EPM2A: variants seen among roughly 807,000 people sequenced by gnomAD.
EPM2A encodes EPM2A glucan phosphatase, laforin.
In EPM2A, 21 loss-of-function variants were observed where a neutral mutation model predicts 26.5. That is an observed-to-expected ratio of 0.79 (90% CI 0.56 to 1.14). EPM2A has a LOEUF of 1.14. Among genes scored for constraint, EPM2A ranks in the 50% most tolerant of loss-of-function variants. The pLI, the probability that EPM2A is intolerant of heterozygous loss-of-function variation, is 0.00. For synonymous variants in EPM2A, 217 were observed against 177.6 expected (o/e 1.22, Z -1.76); for missense variants, 458 against 440.8 (o/e 1.04, Z -0.35).
At chr6:145,569,164 G>A (rs550124912) in intron 2 of EPM2A, among the ~76,000 whole-genome samples, 1 of 152,316 alleles carries the variant, frequency 6.6e-6, no homozygotes, top group Non-Finnish European at 1.5e-5. Flanking sequence ...ATTGTGAGTA[G>A]TCAACATCCA....
At chr6:145,679,894 T>C (rs1215010478) in intron 2 of EPM2A, among the ~76,000 whole-genome samples, 1 of 152,088 alleles carries the variant, frequency 6.6e-6, no homozygotes, top group Non-Finnish European at 1.5e-5. Context: ...CATACGAATA[T>C]ACACGTGGAA....
At chr6:145,552,343 G>A (rs538671065) in intron 2 of EPM2A, among the ~76,000 whole-genome samples, 1 of 152,046 alleles carries the variant, frequency 6.6e-6, no homozygotes, top group South Asian at 2.1e-4. Context: ...ACTTTTAAAA[G>A]CTTCCAAGAA....
At chr6:145,494,226 C>T (rs1307197953) in intron 4 of EPM2A, among the ~76,000 whole-genome samples, 1 of 152,226 alleles carries the variant, frequency 6.6e-6, no homozygotes, top group Middle Eastern at 3.4e-3. Flanking sequence ...GTGTATGTGT[C>T]CAGGAATTTA....
chr6:145,579,967 T>C (rs1781090468), intron 2 of EPM2A, among the ~76,000 whole-genome samples: 1 of 152,184 alleles, frequency 6.6e-6, no homozygotes, highest in African/African-American at 2.4e-5. Flanking sequence ...TATAATAGCA[T>C]ACTTTCATTT....
chr6:145,462,317 G>T (rs1582773761), intron 4 of EPM2A, among the ~76,000 whole-genome samples: 1 of 152,072 alleles, frequency 6.6e-6, no homozygotes, highest in South Asian at 2.1e-4. Context: ...CAGGGGAGTG[G>T]GGTGGGTAGG....
At chr6:145,622,601 T>A (rs9376954), downstream of EPM2A, among the ~76,000 whole-genome samples, 70,940 of 151,996 alleles carry the variant, frequency 0.47, 17,202 homozygotes, top group African/African-American at 0.58. Context: ...ACTCCCATAC[T>A]GGGAGAATAC....
At chr6:145,393,819 A>AT (rs767790639) in intron 4 of EPM2A, among the ~76,000 whole-genome samples, 3 of 148,394 alleles carry the variant, frequency 2.0e-5, no homozygotes, top group African/African-American at 5.0e-5. Flanking sequence ...ACCTATGACT[A>AT]TTTTTTTTTC....
At chr6:145,386,174 C>G (rs545888959) in intron 4 of EPM2A, among the ~76,000 whole-genome samples, 138 of 151,722 alleles carry the variant, frequency 9.1e-4, no homozygotes, top group African/African-American at 3.1e-3. Context: ...GCATAAAATC[C>G]AAGGTAGTTG....
chr6:145,403,005 T>C (rs1292852686), intron 4 of EPM2A, among the ~76,000 whole-genome samples: 3 of 152,194 alleles, frequency 2.0e-5, no homozygotes, highest in Non-Finnish European at 4.4e-5. Flanking sequence ...CAAACTTCTG[T>C]AACTTTCCTC....
In EPM2A at chr6:145,438,021, T is replaced by C. The variant is rs1239944908; in HGVS notation, c.556-53924A>G. On this transcript the variant is annotated intron_variant, in intron 4 of 4. Transcript: ENST00000638717. Reference sequence around the variant, plus strand: ...TCATGTTTGTGGCAGGTTTGCTTCATGAGGCAATCCATGGTATCCTGAGAG... The same window carrying C: ...TCATGTTTGTGGCAGGTTTGCTTCACGAGGCAATCCATGGTATCCTGAGAG... 2.0e-5 allele frequency among the ~76,000 whole-genome samples: 3 copies of C among 152,238 alleles called. 1 individual carries two copies. Among genetic ancestry groups the C allele is most frequent in the Admixed American group, 1.3e-4 (2 of 15,284 alleles).
intron 2 of EPM2A, chr6:145,636,934 A>T (rs1776732835): frequency 6.7e-6 from 1 of 148,946 alleles, no homozygotes. Context: ...AAAAAAAAAA[A>T]AAAATTAAAA....
intron 2 of EPM2A, among the ~76,000 whole-genome samples, chr6:145,506,145 A>G (rs419850): frequency 0.45 from 68,135 of 151,748 alleles, 15,277 homozygotes; most frequent in South Asian, 0.58. Context: ...ACTTCACACT[A>G]CAGTTTCCTT....
intron 4 of EPM2A, among the ~76,000 whole-genome samples, chr6:145,414,549 A>T (rs1562325797): frequency 6.6e-6 from 1 of 152,022 alleles, no homozygotes; most frequent in Non-Finnish European, 1.5e-5. Context: ...CTCATAGAGG[A>T]TCTATTATAC....
At chr6:145,564,822 A>G (rs1038137102) in intron 2 of EPM2A, among the ~76,000 whole-genome samples, 1 of 151,944 alleles carries the variant, frequency 6.6e-6, no homozygotes, top group African/African-American at 2.4e-5. Flanking sequence ...TGTAGTAGAC[A>G]CTGACATAAA....
intron 1 of EPM2A, among the ~76,000 whole-genome samples, chr6:145,725,775 GAATAGAC>G (rs1776173421): frequency 6.6e-6 from 1 of 152,014 alleles, no homozygotes; most frequent in African/African-American, 2.4e-5. Context: ...GGGAAGGGTT[GAATAGAC>G]AAAAGACAGA....
intron 4 of EPM2A, among the ~76,000 whole-genome samples, chr6:145,413,914 C>T (rs1003432397): frequency 3.3e-5 from 5 of 152,134 alleles, no homozygotes; most frequent in Admixed American, 2.0e-4. Context: ...CCAATTTTCC[C>T]CTCCTTGTAC....
At chr6:145,552,744 T>C (rs1476340429) in intron 2 of EPM2A, among the ~76,000 whole-genome samples, 1 of 152,072 alleles carries the variant, frequency 6.6e-6, no homozygotes, top group Non-Finnish European at 1.5e-5. Context: ...GCTAAAATAC[T>C]TCCTACTAAT....
chr6:145,682,788 C>T (rs1780639159), intron 2 of EPM2A: 1 of 152,024 alleles, frequency 6.6e-6, no homozygotes, highest in Non-Finnish European at 1.5e-5. Context: ...TTGGCAATTC[C>T]ATTCTGATAT....
chr6:145,551,010 C>A (rs923542954), intron 2 of EPM2A, among the ~76,000 whole-genome samples: 3 of 151,910 alleles, frequency 2.0e-5, no homozygotes, highest in African/African-American at 7.3e-5. Flanking sequence ...AACTGTACAG[C>A]GAATAAGGTC....
Sources: allele counts gnomAD v4.1 joint callset (sites outside exome capture counted in the v4.1 genomes callset), GRCh38; gene constraint gnomAD v4.1.1; transcripts MANE v1.5; gene names NCBI Gene and HGNC (gene_info 2026-07-23, HGNC 2026-07-21).